The following ZNF787 variants were observed in gnomAD, a reference collection of about 807,000 sequenced individuals.
ZNF787 encodes zinc finger protein 787, also known as TTF-I-interacting peptide 20.
In ZNF787, 7 loss-of-function variants were observed where a neutral mutation model predicts 16.9. The observed-to-expected ratio is 0.42, with a 90% CI of 0.24 to 0.78. The LOEUF is 0.78. Ranked by LOEUF, ZNF787 falls within the 30% of genes least tolerant of loss-of-function variation. ZNF787 has a pLI of 0.30. For missense variants in ZNF787, 551 were observed against 589.3 expected, an observed-to-expected ratio of 0.94 and a Z score of 0.67; for synonymous variants, 345 against 270.9, an observed-to-expected ratio of 1.27 and a Z score of -2.69.
chr19:56,116,511 G>A (rs1157834093), intron 1 of ZNF787, among the ~76,000 whole-genome samples: 3 of 152,060 alleles, frequency 2.0e-5, no homozygotes, highest in Admixed American at 6.6e-5. Flanking sequence ...GATCAATTAA[G>A]CCCAGGAGTT....
intron 1 of ZNF787, among the ~76,000 whole-genome samples, chr19:56,105,038 G>C (rs513915): frequency 6.6e-6 from 1 of 151,902 alleles, no homozygotes; most frequent in Non-Finnish European, 1.5e-5. Flanking sequence ...TAAGGCAGGA[G>C]AATTGCTGAA....
intron 2 of ZNF787, among the ~76,000 whole-genome samples, chr19:56,098,142 G>T (rs535696311): frequency 6.6e-6 from 1 of 152,214 alleles, no homozygotes; most frequent in South Asian, 2.1e-4. Context: ...TTCCTGGCAC[G>T]CTGCTCTCCC....
At position 56,088,146 on chromosome 19, in the gene ZNF787, G is replaced by C. The variant is rs1373879503; in HGVS notation, c.1026C>G (p.Gly342=). The C allele has an allele frequency of 1.9e-6, 3 of 1,553,622 alleles. No individual in the cohort carries two copies. Among genetic ancestry groups the C allele is most frequent in the Non-Finnish European group, 2.6e-6 (3 of 1,155,352 alleles). ...LRRHKKIHAV[G]APSVCSSCGQ... is the part of the protein sequence containing the mutation. ...CGCAGCTGCTGCAGACCGAGGGCGC[G>C]CCCACCGCGTGGATCTTCTTGTGTC... is the stretch of plus-strand genomic sequence containing the variant. Residue 342 remains glycine, a synonymous_variant, in exon 3 of 3, where the codon GGC becomes GGG. Transcript: ENST00000610935. The surrounding 1 kb of genome is among the most constrained non-coding windows in gnomAD (Gnocchi z 8.6).
Position 56,088,007 on chromosome 19 carries a change from C to T in ZNF787, c.*16G>A, listed in dbSNP as rs759136142. 2 of 1,203,170 alleles carry T rather than the reference C, an allele frequency of 1.7e-6. No homozygotes were observed. Among genetic ancestry groups the T allele is most frequent in the Non-Finnish European group, 1.0e-6 (1 of 966,240 alleles). 74.5% of individuals were successfully genotyped at this position (1,203,170 alleles called of 1,614,324 possible). The stretch of plus-strand genomic sequence containing the variant: ...GCCCGAGGGGCCCTGCCCGCCCCCC[C>T]CCCCGGGCCCCTCCCCTACCGGCCC... On this transcript the variant is annotated 3_prime_UTR_variant, in exon 3 of 3. Coordinates refer to ENST00000610935, the MANE Select transcript of ZNF787 (RefSeq NM_001002836.4). This position sits in a 1 kb window ranked among gnomAD's most constrained non-coding sequence, Gnocchi z 8.6.
intron 1 of ZNF787, among the ~76,000 whole-genome samples, chr19:56,119,728 G>A (rs547174696): frequency 9.2e-4 from 140 of 152,352 alleles, no homozygotes; most frequent in African/African-American, 3.1e-3. Context: ...CGGATGGATG[G>A]ATAAGACATG....
chr19:56,096,139 G>A (rs1317332593), intron 2 of ZNF787, among the ~76,000 whole-genome samples: 7 of 151,860 alleles, frequency 4.6e-5, no homozygotes, highest in Admixed American at 4.6e-4. Flanking sequence ...CACACTCGTA[G>A]TCCCAACTAC....
intron 1 of ZNF787, among the ~76,000 whole-genome samples, chr19:56,113,169 G>A (rs148773552): frequency 0.021 from 3,215 of 152,248 alleles, 38 homozygotes; most frequent in South Asian, 0.033. Flanking sequence ...CTCATGAGCC[G>A]TCTGGGAGAG....
chr19:56,089,124 C>CA (rs1351100225), intron 2 of ZNF787, 32 bp from the exon 3 acceptor site: 4 of 1,415,964 alleles, frequency 2.8e-6, no homozygotes, highest in Non-Finnish European at 3.7e-6. Context: ...GGAGGTGAGT[C>CA]AAGAGAGGCA....
rs148820720 is a variant in ZNF787 at position 56,092,771 on chromosome 19, C to T, written c.80-3679G>A. Among the ~76,000 whole-genome samples the T allele has an allele frequency of 2.3e-3, 342 of 151,930 alleles. 2 individuals carry two copies. The highest frequency in any genetic ancestry group is 7.7e-3 in the African/African-American group (319 of 41,384). ...TGACAGAGCTGGAATATCCTACAGA[C>T]ACATGAGATGGCGGAACTGGGATAC... On this transcript the variant is annotated intron_variant, in intron 2 of 2. Coordinates refer to ENST00000610935, the MANE Select transcript of ZNF787 (RefSeq NM_001002836.4).
intron 1 of ZNF787, among the ~76,000 whole-genome samples, chr19:56,111,592 G>C (rs1036551623): frequency 6.6e-6 from 1 of 152,066 alleles, no homozygotes; most frequent in Non-Finnish European, 1.5e-5. Flanking sequence ...CAGCAGAGGA[G>C]GGGTAAGGGG....
chr19:56,108,383 C>T (rs2029889880), intron 1 of ZNF787, among the ~76,000 whole-genome samples: 1 of 144,066 alleles, frequency 6.9e-6, no homozygotes, highest in Admixed American at 6.8e-5. Context: ...GCTCCCTCCA[C>T]CCAACCCCTG....
At chr19:56,111,526 T>TG in intron 1 of ZNF787, among the ~76,000 whole-genome samples, 1 of 152,024 alleles carries the variant, frequency 6.6e-6, no homozygotes, top group East Asian at 1.9e-4. Flanking sequence ...GAAGATGCTT[T>TG]TTTCCTGCCT....
chr19:56,098,229 C>T (rs1159168067), intron 2 of ZNF787, among the ~76,000 whole-genome samples: 2 of 152,210 alleles, frequency 1.3e-5, no homozygotes, highest in African/African-American at 4.8e-5. Flanking sequence ...TGGCCGGGAG[C>T]TACCCACAGT....
At chr19:56,109,641 C>A (rs367942577) in intron 1 of ZNF787, among the ~76,000 whole-genome samples, 1,689 of 152,338 alleles carry the variant, frequency 0.011, 12 homozygotes, top group Non-Finnish European at 0.017. Context: ...CACCTGTAAT[C>A]CCAGCACACT....
chr19:56,091,572 G>A (rs994418878), intron 2 of ZNF787, among the ~76,000 whole-genome samples: 2 of 152,184 alleles, frequency 1.3e-5, no homozygotes, highest in African/African-American at 4.8e-5. Flanking sequence ...TGCATGGAGG[G>A]GCTCCTTCCT....
chr19:56,113,779 G>A (rs1033511158), intron 1 of ZNF787, among the ~76,000 whole-genome samples: 7 of 152,192 alleles, frequency 4.6e-5, no homozygotes, highest in South Asian at 2.1e-4. Context: ...ATCGACTGTG[G>A]TGATGGCTGC....
intron 1 of ZNF787, chr19:56,103,538 C>G: frequency 2.8e-6 from 1 of 361,674 alleles, no homozygotes; most frequent in Non-Finnish European, 5.0e-6. Flanking sequence ...AACCCCACCT[C>G]GCGCCTCCTC....
At chr19:56,091,916 C>G (rs1453226657) in intron 2 of ZNF787, among the ~76,000 whole-genome samples, 1 of 48,246 alleles carries the variant, frequency 2.1e-5, no homozygotes, top group Non-Finnish European at 5.4e-5. Flanking sequence ...GCAGCCGCAG[C>G]CGCAGCCGAA....
intron 2 of ZNF787, among the ~76,000 whole-genome samples, chr19:56,089,605 T>G (rs890559086): frequency 3.9e-5 from 6 of 152,074 alleles, no homozygotes; most frequent in African/African-American, 1.4e-4. Context: ...GGTGTCACAT[T>G]CGGGCTCCAG....
Sources: gnomAD v4.1 joint callset for allele counts (sites outside exome capture counted in the v4.1 genomes callset) on GRCh38, gnomAD v4.1.1 for gene constraint, Gnocchi (gnomAD v3.1) non-coding constraint, MANE v1.5 for transcripts, NCBI Gene and HGNC (gene_info 2026-07-23, HGNC 2026-07-21) for gene names.